The following DAB1 variants were observed in gnomAD, a reference collection of about 807,000 sequenced individuals.
The protein encoded by DAB1 is disabled homolog 1.
In DAB1, 15 loss-of-function variants were observed where a neutral mutation model predicts 64.6. That is an observed-to-expected ratio of 0.23 (90% confidence interval 0.16 to 0.36). The LOEUF (loss-of-function observed/expected upper bound fraction) is 0.36, where lower values mean the gene tolerates loss of function less well. Ranked by LOEUF, DAB1 falls within the 10% of genes least tolerant of loss-of-function variation. The probability of loss-of-function intolerance (pLI) is 1.00; values close to 1 mark genes in which losing one functional copy is unlikely to be tolerated. For missense variants in DAB1, 596 were observed against 706.7 expected, an observed-to-expected ratio of 0.84 and a Z score of 1.78; for synonymous variants, 235 against 251.9, an observed-to-expected ratio of 0.93 and a Z score of 0.64.
intron 9 of DAB1, among the ~76,000 whole-genome samples, chr1:57,038,216 G>A (rs879853640): frequency 2.0e-5 from 3 of 152,116 alleles, no homozygotes; most frequent in African/African-American, 4.8e-5. Context: ...ATGTCTGTGG[G>A]AGAATTGATT....
At chr1:57,902,335 T>C (rs986896678) in intron 5 of DAB1, among the ~76,000 whole-genome samples, 14 of 152,232 alleles carry the variant, frequency 9.2e-5, no homozygotes, top group African/African-American at 3.4e-4. Context: ...GGAGAATAAC[T>C]TGGCAATATC....
At chr1:57,603,699 C>T (rs1277714210) in intron 7 of DAB1, among the ~76,000 whole-genome samples, 1 of 152,194 alleles carries the variant, frequency 6.6e-6, no homozygotes, top group Non-Finnish European at 1.5e-5. Flanking sequence ...ATCAAGTTTA[C>T]ACAAGAGGCT....
At chr1:57,100,700 A>C (rs1654591562) in intron 4 of DAB1, among the ~76,000 whole-genome samples, 1 of 149,458 alleles carries the variant, frequency 6.7e-6, no homozygotes, top group Non-Finnish European at 1.5e-5. Flanking sequence ...GAGGCTTTAA[A>C]GAAGACAATT....
intron 4 of DAB1, among the ~76,000 whole-genome samples, chr1:57,126,876 T>C (rs899041610): frequency 8.5e-5 from 13 of 152,058 alleles, no homozygotes; most frequent in African/African-American, 2.7e-4. Context: ...TCAGCACAAC[T>C]CTCCCCACTA....
At chr1:58,152,990 C>G (rs1248938001) in intron 4 of DAB1, among the ~76,000 whole-genome samples, 3 of 152,200 alleles carry the variant, frequency 2.0e-5, no homozygotes, top group Non-Finnish European at 4.4e-5. Context: ...GACATTGCTT[C>G]TGAGTACTCT....
At position 57,597,943 on chromosome 1, in the gene DAB1, T is replaced by G. The variant is rs577260984; in HGVS notation, n.625+51649A>C. Among the ~76,000 whole-genome samples the G allele has an allele frequency of 2.0e-5, 3 of 152,330 alleles. No individual in the cohort carries two copies. The East Asian group carries it at 5.8e-4, about 29-fold the overall frequency. On this transcript the variant is annotated intron_variant and non_coding_transcript_variant, in intron 7 of 20. Transcript: ENST00000485760. Reference sequence around the variant, plus strand: ...TCTGATTCATTAGACCTTGGGTATGTATCCACATTTTTATTTATTTTTTAG... The same window carrying G: ...TCTGATTCATTAGACCTTGGGTATGGATCCACATTTTTATTTATTTTTTAG...
intron 2 of DAB1, among the ~76,000 whole-genome samples, chr1:57,223,644 A>G (rs1392394745): frequency 1.3e-5 from 2 of 152,214 alleles, no homozygotes; most frequent in Admixed American, 1.3e-4. Flanking sequence ...AAGCAGGAAG[A>G]TGCTGTACGA....
chr1:58,053,407 G>A (rs916281757), intron 5 of DAB1, among the ~76,000 whole-genome samples: 2 of 152,144 alleles, frequency 1.3e-5, no homozygotes, highest in African/African-American at 4.8e-5. Context: ...AGATGGCATG[G>A]TGAAAGAGGA....
chr1:58,070,470 C>T (rs1178224403), intron 5 of DAB1, among the ~76,000 whole-genome samples: 1 of 152,218 alleles, frequency 6.6e-6, no homozygotes, highest in Non-Finnish European at 1.5e-5. Flanking sequence ...ATGAGCCAGA[C>T]ACCTGGGGCA....
At chr1:57,335,800 T>C (rs1449708267) in intron 1 of DAB1, among the ~76,000 whole-genome samples, 1 of 152,222 alleles carries the variant, frequency 6.6e-6, no homozygotes, top group East Asian at 1.9e-4. Context: ...TTTTAGTCAA[T>C]CTGGCCCAGA....
chr1:57,802,631 T>G (rs972412873), intron 6 of DAB1, among the ~76,000 whole-genome samples: 8 of 152,238 alleles, frequency 5.3e-5, no homozygotes, highest in African/African-American at 1.9e-4. Context: ...ACTTCCCCCT[T>G]GATGTTCTCA....
intron 2 of DAB1, 45 bp from the exon 3 acceptor site, chr1:57,145,474 C>T (rs758436797): frequency 1.9e-5 from 31 of 1,601,918 alleles, no homozygotes; most frequent in Non-Finnish European, 2.4e-5. Flanking sequence ...TGTGCAGACC[C>T]CAGTGGCTTT....
At chr1:57,106,641 G>C (rs1005149879) in intron 4 of DAB1, among the ~76,000 whole-genome samples, 7 of 152,254 alleles carry the variant, frequency 4.6e-5, no homozygotes, top group African/African-American at 7.2e-5. Context: ...TTATGAAAAT[G>C]CTTGAGAAAT....
intron 3 of DAB1, among the ~76,000 whole-genome samples, chr1:58,360,343 G>T (rs865773932): frequency 6.6e-6 from 1 of 152,120 alleles, no homozygotes; most frequent in South Asian, 2.1e-4. Flanking sequence ...GGCTGATTGT[G>T]GGAACAGCAA....
chr1:58,449,882 C>A (rs531465620), intron 3 of DAB1, among the ~76,000 whole-genome samples: 3 of 152,242 alleles, frequency 2.0e-5, no homozygotes, highest in Admixed American at 1.3e-4. Context: ...GAGATAGTAA[C>A]AATATTTCAT....
intron 7 of DAB1, among the ~76,000 whole-genome samples, chr1:57,496,523 C>T (rs190020694): frequency 1.3e-5 from 2 of 152,206 alleles, no homozygotes; most frequent in East Asian, 3.9e-4. Context: ...CTTTCACAGC[C>T]CACGTCTTCT....
At chr1:57,837,533 C>A (rs182694632) in intron 1 of DAB1, among the ~76,000 whole-genome samples, 9 of 152,180 alleles carry the variant, frequency 5.9e-5, no homozygotes, top group African/African-American at 1.9e-4. Flanking sequence ...ATATCTCCCC[C>A]ACTCCAAATT....
At chr1:57,858,159 C>T (rs561875328) in intron 1 of DAB1, among the ~76,000 whole-genome samples, 170 of 152,294 alleles carry the variant, frequency 1.1e-3, no homozygotes, top group Non-Finnish European at 1.6e-3. Flanking sequence ...CACTGTCTCA[C>T]CCATTCGATT....
chr1:57,119,065 A>C, intron 4 of DAB1, among the ~76,000 whole-genome samples: 1 of 152,260 alleles, frequency 6.6e-6, no homozygotes, highest in East Asian at 1.9e-4. Context: ...TGAATGTTTA[A>C]ACTGAGGCTG....
Sources: gnomAD v4.1 joint callset for allele counts (sites outside exome capture counted in the v4.1 genomes callset) on GRCh38, gnomAD v4.1.1 for gene constraint, MANE v1.5 for transcripts, NCBI Gene and HGNC (gene_info 2026-07-23, HGNC 2026-07-21) for gene names.